The following HMGCLL1 variants were observed in gnomAD, a reference collection of about 807,000 sequenced individuals.
The protein encoded by HMGCLL1 is 3-hydroxy-3-methylglutaryl-CoA lyase like 1.
Under a neutral mutation model 39.1 loss-of-function variants are expected in HMGCLL1, and 36 were observed. The observed-to-expected ratio is 0.92, with a 90% confidence interval of 0.71 to 1.22. The LOEUF is 1.22. Ranked by LOEUF, HMGCLL1 falls within the 50% of genes most tolerant of loss-of-function variation. HMGCLL1 has a pLI of 0.00. For synonymous variants in HMGCLL1, 149 were observed against 144.0 expected, an observed-to-expected ratio of 1.03 and a Z score of -0.25; for missense variants, 451 against 416.5, an observed-to-expected ratio of 1.08 and a Z score of -0.72.
intron 1 of HMGCLL1, among the ~76,000 whole-genome samples, chr6:55,561,280 G>A (rs1254088766): frequency 1.3e-5 from 2 of 151,752 alleles, no homozygotes; most frequent in South Asian, 2.1e-4. Context: ...GATCCTTTTT[G>A]TCCTACAATC....
rs1766747629 is a variant in HMGCLL1 at position 55,499,270 on chromosome 6, T to C, written c.572A>G (p.Tyr191Cys). 1 of 1,610,658 alleles carries C rather than the reference T, an allele frequency of 6.2e-7. No individual in the cohort carries two copies. The highest frequency in any genetic ancestry group is 1.3e-5 in the African/African-American group (1 of 74,736). Residue 191 changes from tyrosine to cysteine, a missense_variant, in exon 6 of 9, where the codon TAT becomes TGT. Transcript: ENST00000274901. ...TTTTTGCGGTGTAATACTTCCTTCATATGGACAGCCCAGAGCACAAGACAC... is the reference window on the plus strand; with the variant it reads ...TTTTTGCGGTGTAATACTTCCTTCACATGGACAGCCCAGAGCACAAGACAC... The part of the protein sequence containing the change: ...GYVSCALGCP[Y>C]EGSITPQKVT...
chr6:55,609,764 G>C, the HMGCLL1 span, among the ~76,000 whole-genome samples: 5 of 152,112 alleles, frequency 3.3e-5, no homozygotes, highest in African/African-American at 1.2e-4. Flanking sequence ...CCTTATACAG[G>C]AGCATTCCTA....
the HMGCLL1 span, among the ~76,000 whole-genome samples, chr6:55,678,145 T>C: frequency 6.6e-6 from 1 of 152,184 alleles, no homozygotes; most frequent in Non-Finnish European, 1.5e-5. Context: ...GTGTTGGCTC[T>C]TATGGCTGGC....
the HMGCLL1 span, among the ~76,000 whole-genome samples, chr6:55,650,114 TATATATATATATATATATATACACACAC>T: frequency 1.7e-4 from 13 of 78,698 alleles, 1 homozygote; most frequent in African/African-American, 5.9e-4. Flanking sequence ...TATATATATA[TATATATATATATATATATATACACACAC>T]ACACACATAT....
chr6:55,584,765 T>TTA, the HMGCLL1 span, among the ~76,000 whole-genome samples: 1 of 152,068 alleles, frequency 6.6e-6, no homozygotes, highest in East Asian at 1.9e-4. Context: ...ATTGAAGTTC[T>TTA]TATAGTAACA....
intron 7 of HMGCLL1, among the ~76,000 whole-genome samples, chr6:55,494,253 T>C (rs771917613): frequency 4.5e-4 from 69 of 152,156 alleles, no homozygotes; most frequent in Non-Finnish European, 5.7e-4. Context: ...ATAATAAATA[T>C]GCTACACAAA....
chr6:55,667,197 C>T, the HMGCLL1 span, among the ~76,000 whole-genome samples: 2 of 151,702 alleles, frequency 1.3e-5, no homozygotes, highest in Non-Finnish European at 2.9e-5. Context: ...GCAAAGAGTG[C>T]ATCACAAATC....
chr6:55,588,613 A>G, the HMGCLL1 span, among the ~76,000 whole-genome samples: 1 of 152,182 alleles, frequency 6.6e-6, no homozygotes, highest in African/African-American at 2.4e-5. Context: ...CAATGAATCC[A>G]GGAGCTGGTT....
chr6:55,460,617 C>T (rs899878782), intron 7 of HMGCLL1, among the ~76,000 whole-genome samples: 5 of 151,766 alleles, frequency 3.3e-5, no homozygotes, highest in Non-Finnish European at 7.4e-5. Context: ...ATGAAGAAAA[C>T]ATAATATCCT....
intron 1 of HMGCLL1, among the ~76,000 whole-genome samples, chr6:55,550,197 T>C (rs1236098282): frequency 6.6e-6 from 1 of 152,022 alleles, no homozygotes; most frequent in Non-Finnish European, 1.5e-5. Flanking sequence ...GTGAAATCTA[T>C]ACCTTTGGAA....
At chr6:55,650,132 T>TATATATATATATAC in the HMGCLL1 span, among the ~76,000 whole-genome samples, 1 of 50,822 alleles carries the variant, frequency 2.0e-5, no homozygotes, top group Non-Finnish European at 3.7e-5. Context: ...TATATATATA[T>TATATATATATATAC]ATACACACAC....
intron 6 of HMGCLL1, among the ~76,000 whole-genome samples, chr6:55,496,652 T>G (rs540783524): frequency 6.6e-6 from 1 of 152,166 alleles, no homozygotes; most frequent in Non-Finnish European, 1.5e-5. Context: ...ATAACACCAA[T>G]GAACTCATAG....
chr6:55,509,191 G>T (rs1248307388), intron 5 of HMGCLL1, among the ~76,000 whole-genome samples: 1 of 151,850 alleles, frequency 6.6e-6, no homozygotes, highest in Non-Finnish European at 1.5e-5. Context: ...TGATTGAATT[G>T]TTCTTCCAGA....
intron 7 of HMGCLL1, among the ~76,000 whole-genome samples, chr6:55,481,930 A>C (rs1353373746): frequency 1.3e-5 from 2 of 152,106 alleles, no homozygotes; most frequent in African/African-American, 4.8e-5. Flanking sequence ...TTCAAGTTAA[A>C]TGCTCAAGAG....
At chr6:55,486,774 C>T (rs1479341325) in intron 7 of HMGCLL1, among the ~76,000 whole-genome samples, 4 of 152,044 alleles carry the variant, frequency 2.6e-5, no homozygotes, top group African/African-American at 9.7e-5. Context: ...TAACAAAGTA[C>T]CATAAGCAGG....
At chr6:55,655,436 T>C in the HMGCLL1 span, among the ~76,000 whole-genome samples, 1 of 151,874 alleles carries the variant, frequency 6.6e-6, no homozygotes, top group Admixed American at 6.6e-5. Flanking sequence ...TTTATATTTC[T>C]ACTGGATTCT....
chr6:55,464,525 C>T (rs1289937842), intron 7 of HMGCLL1, among the ~76,000 whole-genome samples: 2 of 152,050 alleles, frequency 1.3e-5, no homozygotes, highest in Non-Finnish European at 2.9e-5. Context: ...CAATAATTAG[C>T]CTCACACTCA....
At chr6:55,530,240 G>A (rs928897087) in intron 3 of HMGCLL1, among the ~76,000 whole-genome samples, 3 of 152,208 alleles carry the variant, frequency 2.0e-5, no homozygotes, top group African/African-American at 7.2e-5. Flanking sequence ...GAAGTAAGTA[G>A]TATTAGTGCT....
chr6:55,650,322 C>T, the HMGCLL1 span, among the ~76,000 whole-genome samples: 2 of 151,258 alleles, frequency 1.3e-5, no homozygotes, highest in Non-Finnish European at 2.9e-5. Context: ...GCCTGTCTTT[C>T]TTGGGAAGGC....
Sources: gnomAD v4.1 joint callset for allele counts (sites outside exome capture counted in the v4.1 genomes callset) on GRCh38, gnomAD v4.1.1 for gene constraint, MANE v1.5 for transcripts, NCBI Gene and HGNC (gene_info 2026-07-23, HGNC 2026-07-21) for gene names.